GPC5: variants seen among roughly 807,000 people sequenced by gnomAD.
The protein encoded by GPC5 is glypican 5.
A neutral mutation model predicts 53.9 loss-of-function variants in GPC5; 47 were observed. The observed-to-expected ratio is 0.87, with a 90% CI of 0.69 to 1.11. GPC5 has a LOEUF of 1.11. Among genes scored for constraint, GPC5 ranks in the 50% most tolerant of loss-of-function variants. The pLI, the probability that GPC5 is intolerant of heterozygous loss-of-function variation, is 0.00. For missense variants in GPC5, 748 were observed against 713.1 expected, an observed-to-expected ratio of 1.05 and a Z score of -0.56; for synonymous variants, 286 against 263.3, an observed-to-expected ratio of 1.09 and a Z score of -0.84.
intron 7 of GPC5, among the ~76,000 whole-genome samples, chr13:92,260,674 G>A (rs934859410): frequency 1.3e-5 from 2 of 152,070 alleles, no homozygotes; most frequent in African/African-American, 4.8e-5. Flanking sequence ...AAGTAGGGTG[G>A]GTTTGGTTAC....
At chr13:92,343,128 A>G (rs74107220) in intron 7 of GPC5, among the ~76,000 whole-genome samples, 4,425 of 152,238 alleles carry the variant, frequency 0.029, 220 homozygotes, top group African/African-American at 0.1. Flanking sequence ...CATTTATCTT[A>G]TTTCTAAATA....
At chr13:91,949,751 C>A (rs1290288933) in intron 6 of GPC5, among the ~76,000 whole-genome samples, 2 of 152,104 alleles carry the variant, frequency 1.3e-5, no homozygotes, top group Admixed American at 1.3e-4. Context: ...AGAGGTCAAC[C>A]TAAGGATATT....
rs1208253883 is a variant in GPC5, at chr13:92,338,585, A to T, written c.1561+193596A>T. Among the ~76,000 whole-genome samples, 3 of 152,114 alleles carry T rather than the reference A, an allele frequency of 2.0e-5. No homozygotes were observed. In the East Asian group the frequency reaches 5.8e-4, roughly 29 times the overall value. Reference sequence around the variant, plus strand: ...CAGCACTGAAGAGAAATGAGCTGTCAAGCCATGGAAAGAACATTACAGGCA... The same window carrying T: ...CAGCACTGAAGAGAAATGAGCTGTCTAGCCATGGAAAGAACATTACAGGCA... On this transcript the variant is annotated intron_variant, in intron 7 of 7. Transcript: ENST00000377067.
chr13:91,696,136 A>T (rs114798640), intron 3 of GPC5, among the ~76,000 whole-genome samples: 50 of 152,272 alleles, frequency 3.3e-4, no homozygotes, highest in African/African-American at 1.2e-3. Context: ...TTCTCTCCTT[A>T]TTCTAAGGAA....
intron 7 of GPC5, among the ~76,000 whole-genome samples, chr13:92,747,972 T>G (rs930749152): frequency 1.3e-5 from 2 of 152,166 alleles, no homozygotes; most frequent in African/African-American, 2.4e-5. Context: ...TATACATATA[T>G]ATGTACATTT....
In GPC5 at chr13:91,750,063, G is replaced by A. The variant is rs537867310; in HGVS notation, c.1155-6232G>A. Among the ~76,000 whole-genome samples, 10 of 152,246 alleles carry A rather than the reference G, an allele frequency of 6.6e-5. No homozygotes were observed. In the South Asian group the frequency reaches 8.3e-4, roughly 13 times the overall value. On this transcript the variant is annotated intron_variant, in intron 4 of 7. Transcript: ENST00000377067. ...GACCTCAATTGATTCCGTCTGCCTC[G>A]GTCTCCCAAAGTGCTGGGATTGCAG...
At chr13:92,079,688 A>G (rs1051309747) in intron 6 of GPC5, among the ~76,000 whole-genome samples, 1 of 152,290 alleles carries the variant, frequency 6.6e-6, no homozygotes, top group Middle Eastern at 3.4e-3. Flanking sequence ...TCTTGCTGTT[A>G]TCTTCCTCAG....
At chr13:92,201,096 C>G (rs930437944) in intron 7 of GPC5, among the ~76,000 whole-genome samples, 1 of 152,060 alleles carries the variant, frequency 6.6e-6, no homozygotes, top group Admixed American at 6.6e-5. Flanking sequence ...GTCATCATCT[C>G]TGGACTTTAG....
At chr13:92,432,224 C>T (rs188094671) in intron 7 of GPC5, among the ~76,000 whole-genome samples, 17 of 152,260 alleles carry the variant, frequency 1.1e-4, no homozygotes, top group Admixed American at 1.0e-3. Flanking sequence ...CATTCTGGCT[C>T]CCTGATATCG....
At chr13:92,740,697 C>T (rs1353276535) in intron 7 of GPC5, among the ~76,000 whole-genome samples, 1 of 151,756 alleles carries the variant, frequency 6.6e-6, no homozygotes, top group Admixed American at 6.6e-5. Flanking sequence ...GATGTCTACA[C>T]ATGGAGATTG....
At chr13:92,393,656 A>G (rs1272029098) in intron 7 of GPC5, among the ~76,000 whole-genome samples, 1 of 152,126 alleles carries the variant, frequency 6.6e-6, no homozygotes, top group Non-Finnish European at 1.5e-5. Context: ...ATGAAAGAAA[A>G]CAAAAAAAAC....
chr13:92,188,171 A>G (rs1017449068), intron 7 of GPC5, among the ~76,000 whole-genome samples: 1 of 152,176 alleles, frequency 6.6e-6, no homozygotes, highest in Non-Finnish European at 1.5e-5. Flanking sequence ...TGCATATGTA[A>G]TATTTAAACA....
intron 7 of GPC5, among the ~76,000 whole-genome samples, chr13:92,612,110 A>G (rs1884457731): frequency 6.6e-6 from 1 of 152,118 alleles, no homozygotes; most frequent in Non-Finnish European, 1.5e-5. Context: ...TGCAGTTGGA[A>G]TTAGGTCTTT....
At chr13:92,260,926 A>C (rs900084964) in intron 7 of GPC5, among the ~76,000 whole-genome samples, 2 of 152,182 alleles carry the variant, frequency 1.3e-5, no homozygotes, top group Non-Finnish European at 2.9e-5. Flanking sequence ...CTGCTTCCTG[A>C]AAGAATCAGC....
chr13:92,635,043 T>G (rs1402506326), intron 7 of GPC5, among the ~76,000 whole-genome samples: 2 of 151,970 alleles, frequency 1.3e-5, no homozygotes, highest in Non-Finnish European at 2.9e-5. Flanking sequence ...TTTGACACAG[T>G]AAAATATTTT....
chr13:91,751,047 A>G (rs1172220770), intron 4 of GPC5, among the ~76,000 whole-genome samples: 1 of 152,014 alleles, frequency 6.6e-6, no homozygotes, highest in Non-Finnish European at 1.5e-5. Flanking sequence ...TGTTTAATAT[A>G]CCTACCGTAG....
intron 5 of GPC5, among the ~76,000 whole-genome samples, chr13:91,796,334 G>A (rs745996199): frequency 2.6e-5 from 4 of 152,166 alleles, no homozygotes; most frequent in Non-Finnish European, 5.9e-5. Flanking sequence ...GATCTGGAGG[G>A]TTGGAAGTCA....
chr13:91,592,966 G>A lies in GPC5; in HGVS notation c.326-100221G>A, dbSNP rs138904710. Among the ~76,000 whole-genome samples the A allele has an allele frequency of 3.6e-3, 547 of 152,332 alleles. 2 individuals carry two copies. Among genetic ancestry groups the A allele is most frequent in the Middle Eastern group, 0.017 (5 of 294 alleles). On this transcript the variant is annotated intron_variant, in intron 2 of 7. Transcript: ENST00000377067. ...GGGAGATGGGGACCCTGGGCCAGGG[G>A]TGCCCCTGTCTATGCTCTCCTGGAG...
chr13:92,168,478 A>C (rs999936006), intron 7 of GPC5, among the ~76,000 whole-genome samples: 1 of 152,246 alleles, frequency 6.6e-6, no homozygotes, highest in African/African-American at 2.4e-5. Flanking sequence ...TAAGAAACTT[A>C]AATTTACAAG....
Sources: gnomAD v4.1 joint callset for allele counts (sites outside exome capture counted in the v4.1 genomes callset) on GRCh38, gnomAD v4.1.1 for gene constraint, MANE v1.5 for transcripts, NCBI Gene and HGNC (gene_info 2026-07-23, HGNC 2026-07-21) for gene names.